The following SMURF1 variants were observed in gnomAD, a reference collection of about 807,000 sequenced individuals.
The protein encoded by SMURF1 is E3 ubiquitin-protein ligase SMURF1.
A neutral mutation model predicts 98.0 loss-of-function variants in SMURF1; 44 were observed. The observed-to-expected ratio is 0.45, with a 90% CI of 0.35 to 0.58. SMURF1 has a LOEUF of 0.58. Among genes scored for constraint, SMURF1 ranks in the 20% least tolerant of loss-of-function variants. The probability of loss-of-function intolerance (pLI) is 0.00; values close to 1 mark genes in which losing one functional copy is unlikely to be tolerated. For synonymous variants in SMURF1, 396 were observed against 374.9 expected, an observed-to-expected ratio of 1.06 and a Z score of -0.65; for missense variants, 687 against 938.4, an observed-to-expected ratio of 0.73 and a Z score of 3.50.
chr7:99,048,800 CTA>C (rs1795664414), intron 9 of SMURF1: 1 of 152,196 alleles, frequency 6.6e-6, no homozygotes, highest in Non-Finnish European at 1.5e-5. Context: ...GTTAAAAGAG[CTA>C]TGTCGGGGGC....
At chr7:99,111,035 A>G (rs1243653072) in intron 1 of SMURF1, among the ~76,000 whole-genome samples, 1 of 152,238 alleles carries the variant, frequency 6.6e-6, no homozygotes, top group African/African-American at 2.4e-5. Context: ...TAAGAAACTA[A>G]TAAAATAGCT....
chr7:99,036,047 A>T, intron 15 of SMURF1: 1 of 364,602 alleles, frequency 2.7e-6, no homozygotes, highest in Non-Finnish European at 5.2e-6. Flanking sequence ...AGAGCTAACC[A>T]TGAATAACGG....
chr7:99,045,856 T>G, intron 10 of SMURF1, 55 bp from the exon 11 acceptor site: 1 of 1,407,384 alleles, frequency 7.1e-7, no homozygotes, highest in Non-Finnish European at 1.0e-6. Flanking sequence ...CTTAAAGTTA[T>G]GAAAGGTCAT....
chr7:99,040,662 A>C, intron 12 of SMURF1, 106 bp from the exon 13 acceptor site: 5 of 1,071,862 alleles, frequency 4.7e-6, no homozygotes, highest in Middle Eastern at 3.4e-4. Flanking sequence ...AGAGGCAACC[A>C]GACCTACTGA....
intron 1 of SMURF1, among the ~76,000 whole-genome samples, chr7:99,077,506 G>C (rs2150564090): frequency 6.6e-6 from 1 of 151,722 alleles, no homozygotes; most frequent in South Asian, 2.1e-4. Flanking sequence ...CTAACTTTTT[G>C]TATTTTTAGT....
intron 1 of SMURF1, among the ~76,000 whole-genome samples, chr7:99,067,684 G>A (rs570518613): frequency 2.0e-5 from 3 of 152,198 alleles, no homozygotes; most frequent in Non-Finnish European, 4.4e-5. Context: ...GGGCGCAGTG[G>A]CTCACGCCTG....
intron 1 of SMURF1, among the ~76,000 whole-genome samples, chr7:99,119,311 G>A (rs937969885): frequency 1.4e-4 from 22 of 152,076 alleles, no homozygotes; most frequent in African/African-American, 4.8e-4. Flanking sequence ...TTCCAAATAA[G>A]CCATCTTGTA....
chr7:99,075,060 C>T (rs983265941), intron 1 of SMURF1, among the ~76,000 whole-genome samples: 19 of 152,122 alleles, frequency 1.2e-4, no homozygotes, highest in African/African-American at 4.6e-4. Context: ...TAAGTGCTAG[C>T]AAGGAGGTGG....
intron 1 of SMURF1, among the ~76,000 whole-genome samples, chr7:99,113,011 AAG>A (rs1797357190): frequency 6.6e-6 from 1 of 152,122 alleles, no homozygotes; most frequent in Admixed American, 6.5e-5. Flanking sequence ...TTTTTAAATA[AAG>A]AGAGTCTAAG....
At chr7:99,120,961 A>G (rs748357838) in intron 1 of SMURF1, among the ~76,000 whole-genome samples, 8 of 152,130 alleles carry the variant, frequency 5.3e-5, no homozygotes, top group Non-Finnish European at 7.3e-5. Context: ...TTTTAGGGAA[A>G]GAAACAGTGA....
rs1416110024 is a variant in SMURF1, at chr7:99,035,547, C to T, written c.1979G>A (p.Arg660Gln). 3 of 1,614,252 alleles carry T rather than the reference C, an allele frequency of 1.9e-6. No homozygotes were observed. The highest frequency in any genetic ancestry group is 2.5e-6 in the Non-Finnish European group (3 of 1,180,048). ...AGCCTTGAAGCCTTGGAGCGGGACT[C>T]GCGTGGACCCAGTCACAAACTGCAG... ...RLLQFVTGST[R>Q]VPLQGFKALQ... The change falls in exon 16 of 18, where the codon CGA (arginine) becomes CAA (glutamine). Residue 660 changes from arginine to glutamine, a missense_variant. This residue lies in a region of SMURF1 where 272 missense variants were observed against 430.0 expected (regional missense o/e 0.63). Coordinates refer to ENST00000361368, the MANE Select transcript of SMURF1 (RefSeq NM_181349.3).
At chr7:99,076,841 A>ACGTGTGCCCATG (rs1563018590) in intron 1 of SMURF1, among the ~76,000 whole-genome samples, 1 of 62,426 alleles carries the variant, frequency 1.6e-5, no homozygotes, top group Non-Finnish European at 6.5e-5. Flanking sequence ...GCCCATGTGT[A>ACGTGTGCCCATG]TGTGTGTGCA....
intron 1 of SMURF1, among the ~76,000 whole-genome samples, chr7:99,091,665 C>T (rs138120920): frequency 4.6e-5 from 7 of 152,270 alleles, no homozygotes; most frequent in African/African-American, 1.4e-4. Context: ...GCTTTATTCT[C>T]GTTCTAGCCC....
intron 3 of SMURF1, among the ~76,000 whole-genome samples, chr7:99,058,976 C>A (rs1005842624): frequency 6.6e-6 from 1 of 152,148 alleles, no homozygotes; most frequent in Middle Eastern, 3.4e-3. Flanking sequence ...CCCAGCTACT[C>A]GGGAGGCTGA....
At chr7:99,101,852 T>C (rs1797089070) in intron 1 of SMURF1, among the ~76,000 whole-genome samples, 1 of 152,016 alleles carries the variant, frequency 6.6e-6, no homozygotes. Context: ...GGAGAATCAT[T>C]TGAACAGGGA....
chr7:99,130,888 C>T (rs1242179374), intron 1 of SMURF1, among the ~76,000 whole-genome samples: 1 of 152,118 alleles, frequency 6.6e-6, no homozygotes, highest in Non-Finnish European at 1.5e-5. Context: ...CCAGCCACAG[C>T]GGTTGGTTCA....
chr7:99,137,448 G>C (rs1798017446), intron 1 of SMURF1, among the ~76,000 whole-genome samples: 1 of 152,188 alleles, frequency 6.6e-6, no homozygotes, highest in Non-Finnish European at 1.5e-5. Flanking sequence ...TCCAGTGTTG[G>C]AACCACAGGA....
intron 1 of SMURF1, 107 bp from the exon 2 acceptor site, chr7:99,061,944 G>C: frequency 1.2e-6 from 1 of 808,336 alleles, no homozygotes; most frequent in Non-Finnish European, 1.9e-6. Flanking sequence ...TAGCTTTGCC[G>C]AAGATTTGAC....
intron 7 of SMURF1, 110 bp downstream of exon 7, chr7:99,052,095 A>G (rs1795767283): frequency 2.1e-6 from 3 of 1,411,430 alleles, no homozygotes; most frequent in Non-Finnish European, 2.8e-6. Flanking sequence ...TGATCATGCC[A>G]CTGCACTCCA....
Sources: gnomAD v4.1 joint callset for allele counts (sites outside exome capture counted in the v4.1 genomes callset) on GRCh38, gnomAD v4.1.1 for gene constraint, gnomAD v4.1.1 regional missense constraint, MANE v1.5 for transcripts, NCBI Gene and HGNC (gene_info 2026-07-23, HGNC 2026-07-21) for gene names.